Variants in AGAP1 observed in about 807,000 individuals in gnomAD.
AGAP1 encodes ArfGAP with GTPase domain, ankyrin repeat and PH domain 1.
AGAP1 carries 29 observed loss-of-function variants against 105.3 expected under a neutral mutation model. The observed-to-expected ratio is 0.28, with a 90% CI of 0.21 to 0.38. AGAP1 has a LOEUF of 0.38. Ranked by LOEUF, AGAP1 falls within the 10% of genes least tolerant of loss-of-function variation. The pLI is 1.00. For missense variants in AGAP1, 998 were observed against 1,165.1 expected (o/e 0.86, Z 2.09); for synonymous variants, 509 against 485.9 (o/e 1.05, Z -0.63).
At chr2:235,806,790 C>T (rs1217826830) in intron 8 of AGAP1, among the ~76,000 whole-genome samples, 1 of 152,078 alleles carries the variant, frequency 6.6e-6, no homozygotes, top group African/African-American at 2.4e-5. Flanking sequence ...CGTTAAATCG[C>T]ACAGCTGACT....
rs935762560 is a variant in AGAP1, at chr2:236,078,609, A to G, written c.2114+29328A>G. The stretch of plus-strand genomic sequence containing the variant: ...CTTTGAAAACGTAATCTCCCTAGAT[A>G]AGTATTACCACTGAACCACCTGCTG... On this transcript the variant is annotated intron_variant, in intron 16 of 17. Transcript: ENST00000304032. This position sits in a 1 kb window ranked among gnomAD's most constrained non-coding sequence, Gnocchi z 5.3. 6.6e-6 allele frequency among the ~76,000 whole-genome samples: 1 copy of G among 152,116 alleles called. No individual in the cohort carries two copies. The highest frequency in any genetic ancestry group is 2.4e-5 in the African/African-American group (1 of 41,430).
intron 16 of AGAP1, among the ~76,000 whole-genome samples, chr2:236,072,780 A>AT (rs2058537236): frequency 6.6e-6 from 1 of 151,728 alleles, no homozygotes; most frequent in South Asian, 2.1e-4. Flanking sequence ...CTTTTCTTAC[A>AT]TTTTCCCCTC....
intron 2 of AGAP1, among the ~76,000 whole-genome samples, chr2:235,711,661 T>C (rs10170922): frequency 0.032 from 4,917 of 152,268 alleles, 265 homozygotes; most frequent in African/African-American, 0.11. Context: ...AAGTGCCTTC[T>C]TGTTGTGGCA....
chr2:235,910,285 T>TGG (rs2051537200), intron 11 of AGAP1, among the ~76,000 whole-genome samples: 29 of 151,832 alleles, frequency 1.9e-4, no homozygotes, highest in Admixed American at 3.9e-4. Flanking sequence ...CTGCCTGTGT[T>TGG]GCAGGGGGGC....
intron 9 of AGAP1, among the ~76,000 whole-genome samples, chr2:235,819,322 C>A (rs896441503): frequency 1.3e-5 from 2 of 151,296 alleles, no homozygotes; most frequent in East Asian, 3.9e-4. Context: ...GCCATGTTGC[C>A]CAGGCTGGTC....
intron 13 of AGAP1, among the ~76,000 whole-genome samples, chr2:235,990,702 C>T (rs532198532): frequency 3.9e-5 from 6 of 152,306 alleles, no homozygotes; most frequent in African/African-American, 1.2e-4. Context: ...TCAACACAGT[C>T]AGAGTCCCAC....
At position 235,701,016 on chromosome 2, in the gene AGAP1, A is replaced by T. The variant is rs1950227217; in HGVS notation, c.164-8163A>T. Reference sequence around the variant, plus strand: ...TATATGCTATAATATAGTTATATGTATATATTATATATGCTATAATATAGT... The same window carrying T: ...TATATGCTATAATATAGTTATATGTTTATATTATATATGCTATAATATAGT... On this transcript the variant is annotated intron_variant, in intron 1 of 17. Transcript: ENST00000304032. This position sits in a 1 kb window ranked among gnomAD's most constrained non-coding sequence, Gnocchi z 4.1. Among the ~76,000 whole-genome samples, 1 of 140,662 alleles carries T rather than the reference A, an allele frequency of 7.1e-6. No homozygotes were observed. Among genetic ancestry groups the T allele is most frequent in the Non-Finnish European group, 1.5e-5 (1 of 66,668 alleles). 92.3% of individuals were successfully genotyped at this position (140,662 alleles called of 152,430 possible). A position where few individuals can be genotyped will look rare whatever the true frequency, so the allele number is the denominator to read the frequency against.
rs1575648278 is a variant in AGAP1 at position 235,866,112 on chromosome 2, T to A, written c.1051-17233T>A. Among the ~76,000 whole-genome samples the A allele has an allele frequency of 6.6e-6, 1 of 152,232 alleles. No individual in the cohort carries two copies. The highest frequency in any genetic ancestry group is 1.5e-5 in the Non-Finnish European group (1 of 68,042). ...GGGTCACTCATCCAGATTTACTTGATGCTGTTTTAGTTAGGCAGCAGCATG... is the reference window on the plus strand; with the variant it reads ...GGGTCACTCATCCAGATTTACTTGAAGCTGTTTTAGTTAGGCAGCAGCATG... On this transcript the variant is annotated intron_variant, in intron 9 of 17. Transcript: ENST00000304032. This position sits in a 1 kb window ranked among gnomAD's most constrained non-coding sequence, Gnocchi z 6.1.
At chr2:235,869,336 G>A (rs571723112) in intron 9 of AGAP1, among the ~76,000 whole-genome samples, 96 of 139,368 alleles carry the variant, frequency 6.9e-4, no homozygotes, top group African/African-American at 2.4e-3. Context: ...TGTAATCCCA[G>A]CACTTTGGAA....
In AGAP1 at chr2:235,750,590, AT is replaced by A; in HGVS notation, c.673+103del. 6.5e-7 allele frequency: 1 copy of A among 1,534,766 alleles called. No individual in the cohort carries two copies. The highest frequency in any genetic ancestry group is 9.0e-7 in the Non-Finnish European group (1 of 1,116,116). ...ACTTGTGCATGTGGGTGGTGGAAAT[AT>A]GTCGTTGATGGGTGGGCATTAGTAT... On this transcript the variant is annotated intron_variant, in intron 6 of 17. Coordinates refer to ENST00000304032, the MANE Select transcript of AGAP1 (RefSeq NM_001037131.3). The surrounding 1 kb of genome is among the most constrained non-coding windows in gnomAD (Gnocchi z 5.3).
rs2060024440 is a variant in AGAP1, at chr2:236,127,705, C to T, written c.*3583C>T. 1.3e-5 allele frequency: 2 copies of T among 152,182 alleles called. No individual in the cohort carries two copies. Among genetic ancestry groups the T allele is most frequent in the Non-Finnish European group, 2.9e-5 (2 of 68,056 alleles). 9.4% of individuals were successfully genotyped at this position (152,182 alleles called of 1,614,324 possible). On this transcript the variant is annotated 3_prime_UTR_variant, in exon 18 of 18. Coordinates refer to ENST00000304032, the MANE Select transcript of AGAP1 (RefSeq NM_001037131.3). This position sits in a 1 kb window ranked among gnomAD's most constrained non-coding sequence, Gnocchi z 6.6. ...GACATCTGCACATTTGGGGTCATTC[C>T]CTATATCTGCATAGGAGCTATTGCT...
rs1943862618 is a variant in AGAP1, at chr2:235,553,017, C to T, written c.163+58168C>T. On this transcript the variant is annotated intron_variant, in intron 1 of 17. Coordinates refer to ENST00000304032, the MANE Select transcript of AGAP1 (RefSeq NM_001037131.3). This position sits in a 1 kb window ranked among gnomAD's most constrained non-coding sequence, Gnocchi z 4.5. ...ACAGCCACATCTGGGTTTCAGTTTT[C>T]AGTCAGCTCCCTAGCTGGGTGGTTC... 6.6e-6 allele frequency among the ~76,000 whole-genome samples: 1 copy of T among 152,206 alleles called. No homozygotes were observed. Among genetic ancestry groups the T allele is most frequent in the African/African-American group, 2.4e-5 (1 of 41,444 alleles).
intron 13 of AGAP1, among the ~76,000 whole-genome samples, chr2:236,007,421 T>C (rs1386611282): frequency 6.6e-6 from 1 of 152,188 alleles, no homozygotes; most frequent in Non-Finnish European, 1.5e-5. Flanking sequence ...GCAGATCAAA[T>C]ACTTCAAGAA....
At position 235,738,030 on chromosome 2, in the gene AGAP1, A is replaced by G. The variant is rs567020467; in HGVS notation, c.311-2933A>G. On this transcript the variant is annotated intron_variant, in intron 3 of 17. Transcript: ENST00000304032. Reference sequence around the variant, plus strand: ...CAGCGTCCGGAGGGCACAGAGGAGCACATGTGGGGCTCAGGACACAGGGTC... The same window carrying G: ...CAGCGTCCGGAGGGCACAGAGGAGCGCATGTGGGGCTCAGGACACAGGGTC... Among the ~76,000 whole-genome samples, 18 of 152,170 alleles carry G rather than the reference A, an allele frequency of 1.2e-4. No homozygotes were observed. In the East Asian group the frequency reaches 3.3e-3, roughly 28 times the overall value.
At position 236,080,258 on chromosome 2, in the gene AGAP1, G is replaced by T. The variant is rs2058747213; in HGVS notation, c.2114+30977G>T. On this transcript the variant is annotated intron_variant, in intron 16 of 17. Transcript: ENST00000304032. The surrounding 1 kb of genome is among the most constrained non-coding windows in gnomAD (Gnocchi z 4.2). ...AAAAAGGCAGGCAGAGCCTCTGCTGGAAAGACACAGGGAAAGGAGAGAGAA... is the reference window on the plus strand; with the variant it reads ...AAAAAGGCAGGCAGAGCCTCTGCTGTAAAGACACAGGGAAAGGAGAGAGAA... 6.6e-6 allele frequency among the ~76,000 whole-genome samples: 1 copy of T among 152,218 alleles called. No homozygotes were observed. The highest frequency in any genetic ancestry group is 2.1e-4 in the South Asian group (1 of 4,834).
intron 16 of AGAP1, among the ~76,000 whole-genome samples, chr2:236,081,934 G>A (rs981476986): frequency 1.3e-5 from 2 of 152,112 alleles, no homozygotes; most frequent in East Asian, 3.9e-4. Flanking sequence ...ACGAGAAAGG[G>A]GGATGGAACC....
In AGAP1 at chr2:235,908,678, A is replaced by T. The variant is rs1042942318; in HGVS notation, c.1156-60A>T. On this transcript the variant is annotated intron_variant, in intron 10 of 17. Transcript: ENST00000304032. This position sits in a 1 kb window ranked among gnomAD's most constrained non-coding sequence, Gnocchi z 4.4. ...GACGTCTGATAGACCCTTTTGTTCT[A>T]GGTTGTAAAAGGTCTTTTTTTTTTT... 9.6e-6 allele frequency: 14 copies of T among 1,460,854 alleles called. No homozygotes were observed. The Admixed American group carries it at 1.5e-4, about 16-fold the overall frequency. 90.5% of individuals were successfully genotyped at this position (1,460,854 alleles called of 1,614,324 possible).
At position 235,673,637 on chromosome 2, in the gene AGAP1, G is replaced by T. The variant is rs1948562321; in HGVS notation, c.164-35542G>T. Among the ~76,000 whole-genome samples the T allele has an allele frequency of 2.6e-5, 4 of 152,216 alleles. 1 individual carries two copies. The highest frequency in any genetic ancestry group is 2.6e-4 in the Admixed American group (4 of 15,288). On this transcript the variant is annotated intron_variant, in intron 1 of 17. Transcript: ENST00000304032. ...GTAATTTGCCAGCCATTTATGAAAAGAAGTTCCATTCTCAGACCTTTTTGG... is the reference window on the plus strand; with the variant it reads ...GTAATTTGCCAGCCATTTATGAAAATAAGTTCCATTCTCAGACCTTTTTGG...
At chr2:235,820,521 A>G (rs1319408903) in intron 9 of AGAP1, among the ~76,000 whole-genome samples, 1 of 152,226 alleles carries the variant, frequency 6.6e-6, no homozygotes, top group Non-Finnish European at 1.5e-5. Context: ...GTTTATAAGG[A>G]ATTCTTCAAG....
Sources: allele counts gnomAD v4.1 joint callset (sites outside exome capture counted in the v4.1 genomes callset), GRCh38; gene constraint gnomAD v4.1.1; non-coding constraint Gnocchi (gnomAD v3.1); transcripts MANE v1.5; gene names NCBI Gene and HGNC (gene_info 2026-07-23, HGNC 2026-07-21).